The following GRID2 variants were observed in gnomAD, a reference collection of about 807,000 sequenced individuals.
GRID2 encodes the protein glutamate receptor ionotropic, delta-2.
Under a neutral mutation model 114.8 loss-of-function variants are expected in GRID2, and 33 were observed. That is an observed-to-expected ratio of 0.29 (90% CI 0.22 to 0.38). The LOEUF (loss-of-function observed/expected upper bound fraction) is 0.38, where lower values mean the gene tolerates loss of function less well. Ranked by LOEUF, GRID2 falls within the 10% of genes least tolerant of loss-of-function variation. The pLI, the probability that GRID2 is intolerant of heterozygous loss-of-function variation, is 1.00. For missense variants in GRID2, 1,184 were observed against 1,257.7 expected, an observed-to-expected ratio of 0.94 and a Z score of 0.89; for synonymous variants, 505 against 449.9, an observed-to-expected ratio of 1.12 and a Z score of -1.55.
At chr4:93,743,734 C>T (rs1731605264) in intron 14 of GRID2, among the ~76,000 whole-genome samples, 1 of 152,156 alleles carries the variant, frequency 6.6e-6, no homozygotes, top group Non-Finnish European at 1.5e-5. Flanking sequence ...AGGAATCTGT[C>T]AAGATAACAC....
chr4:92,550,368 T>C (rs1726522988), intron 1 of GRID2, among the ~76,000 whole-genome samples: 1 of 152,196 alleles, frequency 6.6e-6, no homozygotes, highest in African/African-American at 2.4e-5. Flanking sequence ...TATAATAGTA[T>C]GTTAAGAACC....
At position 93,422,893 on chromosome 4, in the gene GRID2, A is replaced by G. The variant is rs749779912; in HGVS notation, c.1470A>G (p.Val490=). 3 of 1,613,710 alleles carry G rather than the reference A, an allele frequency of 1.9e-6. No homozygotes were observed. Among genetic ancestry groups the G allele is most frequent in the Non-Finnish European group, 2.5e-6 (3 of 1,179,638 alleles). The stretch of plus-strand genomic sequence containing the variant: ...TGGGTTTTAACTACGAAATTTACGT[A>G]GCACCGGATCACAAATACGGAAGCC... ...NYLGFNYEIY[V]APDHKYGSPQ... The change falls in exon 10 of 16, where the codon GTA becomes GTG. Residue 490 remains valine (V), a synonymous_variant. Coordinates refer to ENST00000282020, the MANE Select transcript of GRID2 (RefSeq NM_001510.4).
intron 9 of GRID2, among the ~76,000 whole-genome samples, chr4:93,404,685 TGAAA>T (rs1766237907): frequency 6.6e-6 from 1 of 152,040 alleles, no homozygotes; most frequent in Admixed American, 6.6e-5. Flanking sequence ...AGGGAGAGCA[TGAAA>T]GAAGTATCCA....
At chr4:92,707,108 T>A (rs1579883948) in intron 2 of GRID2, among the ~76,000 whole-genome samples, 1 of 152,160 alleles carries the variant, frequency 6.6e-6, no homozygotes, top group Admixed American at 6.5e-5. Flanking sequence ...ATTGATTTTT[T>A]AAAAAATCAG....
intron 4 of GRID2, among the ~76,000 whole-genome samples, chr4:93,166,497 T>C (rs1370094406): frequency 6.6e-6 from 1 of 152,184 alleles, no homozygotes; most frequent in Non-Finnish European, 1.5e-5. Context: ...CAGCATGATG[T>C]GCTGGCAAAG....
intron 1 of GRID2, among the ~76,000 whole-genome samples, chr4:92,479,894 T>G (rs1443254936): frequency 1.3e-5 from 2 of 152,148 alleles, no homozygotes; most frequent in South Asian, 4.1e-4. Flanking sequence ...AGTGAGTACA[T>G]AGAATATTCA....
In GRID2 at chr4:93,368,228, A is replaced by C. The variant is rs187990403; in HGVS notation, c.1246-27379A>C. Among the ~76,000 whole-genome samples, 3 of 152,276 alleles carry C rather than the reference A, an allele frequency of 2.0e-5. No homozygotes were observed. In the East Asian group the frequency reaches 5.8e-4, roughly 29 times the overall value. ...TTACCTAGAGGATGTGGTTAAATGT[A>C]TAATTATTATTTACCAGAAATAAAA... On this transcript the variant is annotated intron_variant, in intron 8 of 15. Coordinates refer to ENST00000282020, the MANE Select transcript of GRID2 (RefSeq NM_001510.4).
intron 1 of GRID2, among the ~76,000 whole-genome samples, chr4:92,360,547 C>T (rs748337233): frequency 6.6e-6 from 1 of 151,982 alleles, no homozygotes; most frequent in Non-Finnish European, 1.5e-5. Flanking sequence ...GGAACACCTG[C>T]ATGCATATCA....
chr4:92,859,313 A>G (rs764405862), intron 2 of GRID2, among the ~76,000 whole-genome samples: 9 of 152,182 alleles, frequency 5.9e-5, no homozygotes, highest in Non-Finnish European at 1.2e-4. Flanking sequence ...TGCATTTTGT[A>G]GACATAATGC....
At position 92,842,873 on chromosome 4, in the gene GRID2, A is replaced by C. The variant is rs923553198; in HGVS notation, c.245-242122A>C. ...GATATCAAACATCAGGTGTGGTAAG[A>C]AATGTGGTAGAGGCAGGCATTTAGG... On this transcript the variant is annotated intron_variant, in intron 2 of 15. Coordinates refer to ENST00000282020, the MANE Select transcript of GRID2 (RefSeq NM_001510.4). Among the ~76,000 whole-genome samples the C allele has an allele frequency of 2.6e-5, 4 of 152,112 alleles. No individual in the cohort carries two copies. In the South Asian group the frequency reaches 8.3e-4, roughly 31 times the overall value.
intron 14 of GRID2, among the ~76,000 whole-genome samples, chr4:93,712,407 T>C (rs374181825): frequency 1.6e-4 from 24 of 152,180 alleles, no homozygotes; most frequent in African/African-American, 5.1e-4. Context: ...TATCTCTGCT[T>C]AAATGTAATT....
At chr4:92,850,115 C>A (rs1214037828) in intron 2 of GRID2, among the ~76,000 whole-genome samples, 4 of 150,938 alleles carry the variant, frequency 2.7e-5, no homozygotes, top group Admixed American at 1.3e-4. Context: ...TACTATTGAA[C>A]TATTAAAAGA....
intron 4 of GRID2, among the ~76,000 whole-genome samples, chr4:93,178,731 G>A (rs889423942): frequency 7.2e-5 from 11 of 152,018 alleles, no homozygotes; most frequent in Admixed American, 2.6e-4. Flanking sequence ...TTCTGTATGC[G>A]ATGTGTGTGA....
intron 13 of GRID2, among the ~76,000 whole-genome samples, chr4:93,555,165 G>A (rs976013432): frequency 3.3e-5 from 5 of 152,170 alleles, no homozygotes; most frequent in African/African-American, 1.2e-4. Context: ...TGGGTTTCAA[G>A]CACAAAACTG....
chr4:92,483,963 G>A (rs1033028578), intron 1 of GRID2, among the ~76,000 whole-genome samples: 1 of 152,068 alleles, frequency 6.6e-6, no homozygotes, highest in Non-Finnish European at 1.5e-5. Context: ...CTCTGATATG[G>A]CATAGGAAAG....
chr4:93,053,419 G>A (rs1348177185), intron 2 of GRID2, among the ~76,000 whole-genome samples: 6 of 151,782 alleles, frequency 4.0e-5, no homozygotes, highest in East Asian at 1.9e-4. Context: ...GTGTGTTCTC[G>A]TGTGCACATG....
intron 2 of GRID2, among the ~76,000 whole-genome samples, chr4:92,950,972 C>A: frequency 6.6e-6 from 1 of 152,092 alleles, no homozygotes; most frequent in Non-Finnish European, 1.5e-5. Flanking sequence ...TTCTTATTTA[C>A]TTTCAGTAAT....
In GRID2 at chr4:92,652,881, A is replaced by AATATATTTATAAATATAAAT. The variant is rs1732020583; in HGVS notation, c.244+62610_244+62611insTAAATATATATTTATAAATA. Reference sequence around the variant, plus strand: ...ATATAAATACATATAAATATATAAAAATATATTTATAAATACATATAAATA... The same window carrying AATATATTTATAAATATAAAT: ...ATATAAATACATATAAATATATAAAAATATATTTATAAATATAAATATATATTTATAAATACATATAAATA... On this transcript the variant is annotated intron_variant, in intron 2 of 15. Coordinates refer to ENST00000282020, the MANE Select transcript of GRID2 (RefSeq NM_001510.4). 7.4e-5 allele frequency among the ~76,000 whole-genome samples: 9 copies of AATATATTTATAAATATAAAT among 121,346 alleles called. 1 individual carries two copies. Among genetic ancestry groups the AATATATTTATAAATATAAAT allele is most frequent in the Admixed American group, 7.4e-4 (8 of 10,790 alleles). The allele number at this position is 121,346 out of a possible 152,430, so 79.6% of individuals were successfully genotyped here.
intron 13 of GRID2, among the ~76,000 whole-genome samples, chr4:93,545,602 C>T (rs1488871845): frequency 6.6e-6 from 1 of 152,144 alleles, no homozygotes; most frequent in Non-Finnish European, 1.5e-5. Context: ...AACCAGTTAC[C>T]ACCTGTCCAT....
Sources: gnomAD v4.1 joint callset for allele counts (sites outside exome capture counted in the v4.1 genomes callset) on GRCh38, gnomAD v4.1.1 for gene constraint, MANE v1.5 for transcripts, NCBI Gene and HGNC (gene_info 2026-07-23, HGNC 2026-07-21) for gene names.